Variants in CYP27C1 observed in about 807,000 individuals in gnomAD.
CYP27C1 encodes cytochrome P450 family 27 subfamily C member 1, also known as cytochrome P450 27C1.
A neutral mutation model predicts 40.6 loss-of-function variants in CYP27C1; 29 were observed. The ratio of observed to expected loss-of-function variants is 0.71; its 90% CI spans 0.53 to 0.97. CYP27C1 has a LOEUF of 0.97. Ranked by LOEUF, CYP27C1 falls within the 50% of genes least tolerant of loss-of-function variation. The pLI is 0.00. For synonymous variants in CYP27C1, 198 were observed against 186.8 expected (o/e 1.06, Z -0.49); for missense variants, 390 against 485.8 (o/e 0.80, Z 1.85).
Position 127,193,097 on chromosome 2 carries a change from G to A in CYP27C1, c.1494C>T (p.Ile498=), listed in dbSNP as rs1345995007. The A allele has an allele frequency of 5.0e-6, 8 of 1,614,108 alleles. No individual in the cohort carries two copies. The highest frequency in any genetic ancestry group is 6.8e-6 in the Non-Finnish European group (8 of 1,180,010). Residue 498 remains isoleucine (I), a synonymous_variant, in exon 8 of 9, where the codon ATC becomes ATT. Transcript: ENST00000664447. ...IAELEIHLVV[I]QLLQHFEIKT... ...ACGTTTGGCCTCCACGCCCTACCTGGATCACGACGAGGTGAATCTCCAGTT... is the reference window on the plus strand; with the variant it reads ...ACGTTTGGCCTCCACGCCCTACCTGAATCACGACGAGGTGAATCTCCAGTT...
At position 127,187,313 on chromosome 2, in the gene CYP27C1, C is replaced by T. The variant is rs1216726487; in HGVS notation, c.1572G>A (p.Thr524=). The change falls in exon 9 of 9, where the codon ACG becomes ACA. Residue 524 remains threonine (T), a synonymous_variant. Transcript: ENST00000664447. ...AVHAKTHGLL[T]PGGPIHVRFV... ...ATCGCACGTGGATGGGCCCCCCTGG[C>T]GTCAGGAGCCCGTGGGTTTTTGCAT... The T allele has an allele frequency of 2.5e-6, 4 of 1,614,164 alleles. No individual in the cohort carries two copies. Among genetic ancestry groups the T allele is most frequent in the Admixed American group, 1.7e-5 (1 of 60,028 alleles).
rs762311494 is a variant in CYP27C1, at chr2:127,194,842, C to CTT, written c.1214+491_1214+492dup. ...AATGACTGCTCCAAAGATCTTTTTT[C>CTT]TTTTTTTTTTTTTTTTGAGACAGAG... On this transcript the variant is annotated intron_variant, in intron 6 of 8. Transcript: ENST00000664447. Among the ~76,000 whole-genome samples the CTT allele has an allele frequency of 4.3e-3, 601 of 139,658 alleles. 13 individuals carry two copies. The highest frequency in any genetic ancestry group is 0.014 in the African/African-American group (513 of 37,508). 91.6% of individuals were successfully genotyped at this position (139,658 alleles called of 152,430 possible). A position where few individuals can be genotyped will look rare whatever the true frequency, so the allele number is the denominator to read the frequency against.
At chr2:127,202,084 ATT>A (rs35508164) in intron 3 of CYP27C1, among the ~76,000 whole-genome samples, 3 of 142,576 alleles carry the variant, frequency 2.1e-5, no homozygotes, top group Non-Finnish European at 1.5e-5. Context: ...GATGCATTCT[ATT>A]TTTTTTTTTT....
rs1682889530 is a variant in CYP27C1, at chr2:127,195,777, C to A, written c.1048-276G>T. ...CATGAAGAGCCACAGGAAAAATGAT[C>A]CTGGAGCTTTTTTTAATCACTGAAG... On this transcript the variant is annotated intron_variant, in intron 5 of 8. Coordinates refer to ENST00000664447, the MANE Select transcript of CYP27C1 (RefSeq NM_001367502.1). The surrounding 1 kb of genome is among the most constrained non-coding windows in gnomAD (Gnocchi z 6.2). 6.6e-6 allele frequency among the ~76,000 whole-genome samples: 1 copy of A among 152,166 alleles called. No homozygotes were observed. Among genetic ancestry groups the A allele is most frequent in the African/African-American group, 2.4e-5 (1 of 41,446 alleles).
chr2:127,199,154 G>A (rs1430183324), intron 5 of CYP27C1, among the ~76,000 whole-genome samples: 1 of 152,316 alleles, frequency 6.6e-6, no homozygotes, highest in East Asian at 1.9e-4. Context: ...GGAAGTGGTG[G>A]CGGGCGCCTG....
chr2:127,211,507 C>T lies in CYP27C1; in HGVS notation c.283-5417G>A, dbSNP rs371760010. 1.7e-3 allele frequency among the ~76,000 whole-genome samples: 262 copies of T among 151,526 alleles called. 2 individuals carry two copies. The highest frequency in any genetic ancestry group is 6.8e-3 in the Middle Eastern group (2 of 294). On this transcript the variant is annotated intron_variant, in intron 1 of 8. Coordinates refer to ENST00000664447, the MANE Select transcript of CYP27C1 (RefSeq NM_001367502.1). Reference sequence around the variant, plus strand: ...ATGCCATTCTCCTGCCTCAACCTCCCGAGTAGCTGGGACTACAGGCGCCCG... The same window carrying T: ...ATGCCATTCTCCTGCCTCAACCTCCTGAGTAGCTGGGACTACAGGCGCCCG...
intron 6 of CYP27C1, among the ~76,000 whole-genome samples, 165 bp from the exon 7 acceptor site, chr2:127,194,032 T>C (rs752482168): frequency 6.6e-6 from 1 of 152,266 alleles, no homozygotes; most frequent in Non-Finnish European, 1.5e-5. Flanking sequence ...GCTGCTTCTT[T>C]GTTGGCTTGC....
chr2:127,203,535 C>T lies in CYP27C1; in HGVS notation c.510G>A (p.Leu170=). The change falls in exon 3 of 9, where the codon TTG becomes TTA. Residue 170 remains leucine (L), a synonymous_variant. Coordinates refer to ENST00000664447, the MANE Select transcript of CYP27C1 (RefSeq NM_001367502.1). ...GEQWLKMRSV[L]RQRILKPKDV... ...CTTTCGGTTTCAGAATTCTTTGTCT[C>T]AATACGCTTCTCATCTTGAGCCACT... The T allele has an allele frequency of 6.2e-7, 1 of 1,613,980 alleles. No individual in the cohort carries two copies. Among genetic ancestry groups the T allele is most frequent in the Middle Eastern group, 1.6e-4 (1 of 6,062 alleles).
chr2:127,218,925 G>T lies in CYP27C1; in HGVS notation c.282+1064C>A, dbSNP rs1355205970. Among the ~76,000 whole-genome samples the T allele has an allele frequency of 6.6e-6, 1 of 152,178 alleles. No homozygotes were observed. The highest frequency in any genetic ancestry group is 1.5e-5 in the Non-Finnish European group (1 of 68,022). On this transcript the variant is annotated intron_variant, in intron 1 of 8. Transcript: ENST00000664447. The surrounding 1 kb of genome is among the most constrained non-coding windows in gnomAD (Gnocchi z 6.0). ...CGAAGGGCGCAACGGAGGTGGGCGT[G>T]GGAAGGACAGCACTCAGGCTCCAAG...
At chr2:127,192,838 T>C (rs2104676094) in intron 8 of CYP27C1, among the ~76,000 whole-genome samples, 1 of 77,334 alleles carries the variant, frequency 1.3e-5, no homozygotes, top group East Asian at 4.9e-4. Flanking sequence ...TTGGATAGGG[T>C]CTCACTCTGT....
rs1682887436 is a variant in CYP27C1 at position 127,195,692 on chromosome 2, A to C, written c.1048-191T>G. 6.6e-6 allele frequency among the ~76,000 whole-genome samples: 1 copy of C among 152,230 alleles called. No homozygotes were observed. The highest frequency in any genetic ancestry group is 1.5e-5 in the Non-Finnish European group (1 of 68,044). On this transcript the variant is annotated intron_variant, in intron 5 of 8. Transcript: ENST00000664447. This position sits in a 1 kb window ranked among gnomAD's most constrained non-coding sequence, Gnocchi z 6.2. ...CTTAATTCATGGCAAATAAATAAATAAATAAATAACTGAACGTATTTGGCA... is the reference window on the plus strand; with the variant it reads ...CTTAATTCATGGCAAATAAATAAATCAATAAATAACTGAACGTATTTGGCA...
intron 1 of CYP27C1, among the ~76,000 whole-genome samples, chr2:127,215,120 C>T (rs1683406607): frequency 9.8e-6 from 1 of 101,674 alleles, no homozygotes; most frequent in African/African-American, 3.7e-5. Flanking sequence ...CAGAGTGAGA[C>T]TCCATCTCAA....
intron 5 of CYP27C1, among the ~76,000 whole-genome samples, chr2:127,197,267 T>C (rs1016487097): frequency 6.6e-6 from 1 of 152,266 alleles, no homozygotes; most frequent in Non-Finnish European, 1.5e-5. Context: ...ATTTAGTTCA[T>C]ATACTTTTTG....
Position 127,211,361 on chromosome 2 carries a change from G to GTTTTT in CYP27C1, c.283-5276_283-5272dup, listed in dbSNP as rs1156982574. On this transcript the variant is annotated intron_variant, in intron 1 of 8. Coordinates refer to ENST00000664447, the MANE Select transcript of CYP27C1 (RefSeq NM_001367502.1). ...ATCTCTGGGATACAGCTAAAGCAGT[G>GTTTTT]TTTTTTTGTTTTTTTTTTTTTTTTT... Among the ~76,000 whole-genome samples the GTTTTT allele has an allele frequency of 1.3e-3, 135 of 103,610 alleles. 11 individuals carry two copies. The highest frequency in any genetic ancestry group is 5.1e-3 in the African/African-American group (128 of 25,182). 68.0% of individuals were successfully genotyped at this position (103,610 alleles called of 152,430 possible).
chr2:127,190,194 A>C (rs1558924816), intron 8 of CYP27C1, among the ~76,000 whole-genome samples: 4 of 151,962 alleles, frequency 2.6e-5, no homozygotes, highest in Admixed American at 1.3e-4. Flanking sequence ...TTTTTCTAGT[A>C]AACAGTATGC....
rs1683487845 is a variant in CYP27C1 at position 127,218,579 on chromosome 2, C to A, written c.282+1410G>T. 6.6e-6 allele frequency among the ~76,000 whole-genome samples: 1 copy of A among 152,138 alleles called. No homozygotes were observed. The highest frequency in any genetic ancestry group is 1.5e-5 in the Non-Finnish European group (1 of 68,030). On this transcript the variant is annotated intron_variant, in intron 1 of 8. Transcript: ENST00000664447. The surrounding 1 kb of genome is among the most constrained non-coding windows in gnomAD (Gnocchi z 6.0). Reference sequence around the variant, plus strand: ...TTAATTCCCGGCCGAATTAAAATTGCTCCTCGCACGCCCGTTTTTCCATTA... The same window carrying A: ...TTAATTCCCGGCCGAATTAAAATTGATCCTCGCACGCCCGTTTTTCCATTA...
In CYP27C1 at chr2:127,203,508, A is replaced by G; in HGVS notation, c.537T>C (p.Asp179=). 6.2e-7 allele frequency: 1 copy of G among 1,614,002 alleles called. No individual in the cohort carries two copies. The highest frequency in any genetic ancestry group is 8.5e-7 in the Non-Finnish European group (1 of 1,179,980). The part of the protein sequence containing the change: ...VLRQRILKPK[D]VAIYSGEVNQ... ...TGACTTCTCCAGAATAAATGGCCAC[A>G]TCTTTCGGTTTCAGAATTCTTTGTC... is the stretch of plus-strand genomic sequence containing the variant. Residue 179 remains aspartate, a synonymous_variant, in exon 3 of 9, where the codon GAT becomes GAC. Transcript: ENST00000664447.
In CYP27C1 at chr2:127,200,999, A is replaced by C; in HGVS notation, c.883+123T>G. On this transcript the variant is annotated intron_variant, in intron 4 of 8. Coordinates refer to ENST00000664447, the MANE Select transcript of CYP27C1 (RefSeq NM_001367502.1). The surrounding 1 kb of genome is among the most constrained non-coding windows in gnomAD (Gnocchi z 4.2). ...AAATCCAAAAGTTATGGGTCCAAAA[A>C]CTAACACGTGACTACATCTAGGCAT... 9.9e-7 allele frequency: 1 copy of C among 1,015,060 alleles called. No individual in the cohort carries two copies. The highest frequency in any genetic ancestry group is 2.4e-5 in the East Asian group (1 of 41,800). 62.9% of individuals were successfully genotyped at this position (1,015,060 alleles called of 1,614,324 possible).
rs1683021368 is a variant in CYP27C1 at position 127,201,058 on chromosome 2, G to A, written c.883+64C>T. 1 of 1,491,820 alleles carries A rather than the reference G, an allele frequency of 6.7e-7. No individual in the cohort carries two copies. The highest frequency in any genetic ancestry group is 1.7e-5 in the Admixed American group (1 of 58,898). The allele number at this position is 1,491,820 out of a possible 1,614,324, so 92.4% of individuals were successfully genotyped here. ...ATGGTCACCCATTGTCTGGATGAGA[G>A]TTAGACACACAACACGGCAGGTCAA... On this transcript the variant is annotated intron_variant, in intron 4 of 8. Coordinates refer to ENST00000664447, the MANE Select transcript of CYP27C1 (RefSeq NM_001367502.1). This position sits in a 1 kb window ranked among gnomAD's most constrained non-coding sequence, Gnocchi z 6.0.
Sources: gnomAD v4.1 joint callset for allele counts (sites outside exome capture counted in the v4.1 genomes callset) on GRCh38, gnomAD v4.1.1 for gene constraint, Gnocchi (gnomAD v3.1) non-coding constraint, MANE v1.5 for transcripts, NCBI Gene and HGNC (gene_info 2026-07-23, HGNC 2026-07-21) for gene names.